The following CHRM3 variants were observed in gnomAD, a reference collection of about 807,000 sequenced individuals.
CHRM3 encodes the protein muscarinic acetylcholine receptor M3.
Under a neutral mutation model 41.8 loss-of-function variants are expected in CHRM3, and 11 were observed. The observed-to-expected ratio is 0.26, with a 90% CI of 0.17 to 0.44. CHRM3 has a LOEUF of 0.44. Among genes scored for constraint, CHRM3 ranks in the 20% least tolerant of loss-of-function variants. CHRM3 has a pLI of 1.00. For synonymous variants in CHRM3, 297 were observed against 301.4 expected (o/e 0.99, Z 0.15); for missense variants, 571 against 745.4 (o/e 0.77, Z 2.72).
intron 2 of CHRM3, among the ~76,000 whole-genome samples, chr1:239,502,535 T>C (rs557496493): frequency 1.3e-5 from 2 of 152,294 alleles, no homozygotes; most frequent in South Asian, 4.1e-4. Flanking sequence ...ATCCTTTTGA[T>C]ACTATTCCAC....
At chr1:239,723,176 A>G (rs1663132158) in intron 5 of CHRM3, among the ~76,000 whole-genome samples, 1 of 151,942 alleles carries the variant, frequency 6.6e-6, no homozygotes, top group African/African-American at 2.4e-5. Flanking sequence ...TTATTTAGCT[A>G]TACACCAGGC....
intron 3 of CHRM3, among the ~76,000 whole-genome samples, chr1:239,549,495 CAAA>C (rs66834618): frequency 6.5e-5 from 7 of 106,978 alleles, no homozygotes; most frequent in Non-Finnish European, 5.6e-5. Flanking sequence ...ACTAAAAATA[CAAA>C]AAAAAAAAAA....
chr1:239,847,924 AAAG>A (rs1480061111), intron 6 of CHRM3, among the ~76,000 whole-genome samples: 5 of 151,538 alleles, frequency 3.3e-5, no homozygotes, highest in Non-Finnish European at 7.4e-5. Context: ...CAAAAAGAAA[AAAG>A]AAAAGAGAAG....
At chr1:239,588,799 T>C (rs1394557514) in intron 3 of CHRM3, among the ~76,000 whole-genome samples, 1 of 152,100 alleles carries the variant, frequency 6.6e-6, no homozygotes, top group African/African-American at 2.4e-5. Context: ...TGTAGAACAG[T>C]GGAATGAATA....
intron 6 of CHRM3, among the ~76,000 whole-genome samples, chr1:239,894,355 G>A (rs1441553970): frequency 2.0e-5 from 3 of 152,196 alleles, no homozygotes; most frequent in East Asian, 1.9e-4. Flanking sequence ...CCGCCTTGCC[G>A]GCATGCCCAG....
chr1:239,552,701 G>A (rs548154975), intron 3 of CHRM3, among the ~76,000 whole-genome samples: 3 of 149,098 alleles, frequency 2.0e-5, no homozygotes, highest in South Asian at 2.1e-4. Flanking sequence ...TAATTGCCCC[G>A]GCTGGTCCCC....
intron 2 of CHRM3, among the ~76,000 whole-genome samples, chr1:239,538,709 A>C (rs2148375522): frequency 6.6e-6 from 1 of 152,364 alleles, no homozygotes; most frequent in East Asian, 1.9e-4. Context: ...TGGTCTTTAA[A>C]GTTTAATAGC....
At chr1:239,806,097 C>G in intron 5 of CHRM3, among the ~76,000 whole-genome samples, 1 of 152,196 alleles carries the variant, frequency 6.6e-6, no homozygotes, top group East Asian at 1.9e-4. Context: ...TGACTCCACT[C>G]CTGGCTGAAA....
rs1170633500 is a variant in CHRM3, at chr1:239,404,410, AAAAGAAAGAAAGAAAG to A, written c.-521+17227_-521+17242del. ...AAAGAAAGAAAGAAAGAAAGAAAGAAAAAGAAAGAAAGAAAGAAAGAAAGAAAGAAAGAAAGAAAGA... is the reference window on the plus strand; with the variant it reads ...AAAGAAAGAAAGAAAGAAAGAAAGAAAAAGAAAGAAAGAAAGAAAGAAAGA... On this transcript the variant is annotated intron_variant, in intron 1 of 6. Coordinates refer to ENST00000676153, the MANE Select transcript of CHRM3 (RefSeq NM_001375978.1). Among the ~76,000 whole-genome samples, 457 of 51,682 alleles carry A rather than the reference AAAAGAAAGAAAGAAAG, an allele frequency of 8.8e-3. 11 individuals are homozygous for A. The highest frequency in any genetic ancestry group is 0.027 in the African/African-American group (414 of 15,484). 33.9% of individuals were successfully genotyped at this position (51,682 alleles called of 152,430 possible). A position where few individuals can be genotyped will look rare whatever the true frequency, so the allele number is the denominator to read the frequency against.
chr1:239,888,607 A>AT (rs1678273050), intron 6 of CHRM3, among the ~76,000 whole-genome samples: 1 of 152,170 alleles, frequency 6.6e-6, no homozygotes, highest in South Asian at 2.1e-4. Context: ...CAAAAAAAAA[A>AT]AAAAAAAGTG....
At chr1:239,578,799 T>C (rs970365905) in intron 3 of CHRM3, among the ~76,000 whole-genome samples, 1 of 152,080 alleles carries the variant, frequency 6.6e-6, no homozygotes, top group African/African-American at 2.4e-5. Context: ...CAACCCAGAA[T>C]CTCCAGGTCT....
At chr1:239,872,258 C>T (rs1558196928) in intron 6 of CHRM3, among the ~76,000 whole-genome samples, 2 of 152,146 alleles carry the variant, frequency 1.3e-5, no homozygotes, top group African/African-American at 2.4e-5. Flanking sequence ...ACATTGCTAC[C>T]TTTTTAGTTT....
chr1:239,531,850 G>A (rs535062107), intron 2 of CHRM3, among the ~76,000 whole-genome samples: 2 of 149,884 alleles, frequency 1.3e-5, no homozygotes, highest in African/African-American at 2.5e-5. Context: ...TAATAGAGAC[G>A]GGGTTTCACT....
At chr1:239,676,834 G>A (rs1203802259) in intron 4 of CHRM3, among the ~76,000 whole-genome samples, 3 of 152,102 alleles carry the variant, frequency 2.0e-5, no homozygotes, top group African/African-American at 7.2e-5. Context: ...AAATTCTTGG[G>A]GTGTATGCTT....
At chr1:239,528,221 TGATGA>T (rs951757114) in intron 2 of CHRM3, among the ~76,000 whole-genome samples, 1 of 152,176 alleles carries the variant, frequency 6.6e-6, no homozygotes, top group African/African-American at 2.4e-5. Flanking sequence ...CCTCTTTGTG[TGATGA>T]GATATGACAA....
rs908079367 is a variant in CHRM3, at chr1:239,874,426, G to A, written c.-19-33007G>A. 8.7e-5 allele frequency among the ~76,000 whole-genome samples: 13 copies of A among 149,954 alleles called. 1 individual carries two copies. The highest frequency in any genetic ancestry group is 8.0e-4 in the Admixed American group (12 of 14,966). Reference sequence around the variant, plus strand: ...CGCAAATGGAAAATCCAGTATTTGAGGGATGTGAAACCTGTGTAAACAAAG... The same window carrying A: ...CGCAAATGGAAAATCCAGTATTTGAAGGATGTGAAACCTGTGTAAACAAAG... On this transcript the variant is annotated intron_variant, in intron 6 of 6. Coordinates refer to ENST00000676153, the MANE Select transcript of CHRM3 (RefSeq NM_001375978.1).
intron 2 of CHRM3, among the ~76,000 whole-genome samples, chr1:239,494,514 CT>C (rs200699617): frequency 2.2e-4 from 34 of 151,296 alleles, no homozygotes; most frequent in African/African-American, 7.3e-4. Flanking sequence ...ATAGTTCAGA[CT>C]TTTTTTTTAC....
chr1:239,898,943 A>T (rs1679242196), intron 6 of CHRM3, among the ~76,000 whole-genome samples: 1 of 152,090 alleles, frequency 6.6e-6, no homozygotes, highest in African/African-American at 2.4e-5. Flanking sequence ...CCTAGAACTA[A>T]CCTTCAATTT....
rs182354039 is a variant in CHRM3 at position 239,901,894 on chromosome 1, T to C, written c.-19-5539T>C. On this transcript the variant is annotated intron_variant, in intron 6 of 6. Coordinates refer to ENST00000676153, the MANE Select transcript of CHRM3 (RefSeq NM_001375978.1). ...ACCTAGCAGTTGGATTGCTAGTTCATGGTGTACATGCCTTTTCAGTTTTAA... is the reference window on the plus strand; with the variant it reads ...ACCTAGCAGTTGGATTGCTAGTTCACGGTGTACATGCCTTTTCAGTTTTAA... Among the ~76,000 whole-genome samples the C allele has an allele frequency of 1.9e-3, 296 of 152,336 alleles. 1 individual carries two copies. Among genetic ancestry groups the C allele is most frequent in the African/African-American group, 6.7e-3 (277 of 41,586 alleles).
Sources: allele counts gnomAD v4.1 joint callset (sites outside exome capture counted in the v4.1 genomes callset), GRCh38; gene constraint gnomAD v4.1.1; transcripts MANE v1.5; gene names NCBI Gene and HGNC (gene_info 2026-07-23, HGNC 2026-07-21).